UBE2W: variants seen among roughly 807,000 people sequenced by gnomAD.
The protein encoded by UBE2W is ubiquitin-conjugating enzyme E2 W.
UBE2W carries 18 observed loss-of-function variants against 27.2 expected under a neutral mutation model. That is an observed-to-expected ratio of 0.66 (90% confidence interval 0.46 to 0.98). The LOEUF (loss-of-function observed/expected upper bound fraction) is 0.98. UBE2W is among the 50% of genes least tolerant of loss of function. The probability of loss-of-function intolerance (pLI) is 0.00; values close to 1 mark genes in which losing one functional copy is unlikely to be tolerated. For missense variants in UBE2W, 90 were observed against 180.2 expected (o/e 0.50, Z 2.87); for synonymous variants, 53 against 57.2 (o/e 0.93, Z 0.33).
chr8:73,862,428 T>G (rs1274426616), intron 1 of UBE2W, among the ~76,000 whole-genome samples: 1 of 152,192 alleles, frequency 6.6e-6, no homozygotes, highest in Non-Finnish European at 1.5e-5. Context: ...TTTCCCCATT[T>G]CTTGTTTTTC....
At chr8:73,869,322 C>T (rs1020179546) in intron 1 of UBE2W, among the ~76,000 whole-genome samples, 5 of 152,172 alleles carry the variant, frequency 3.3e-5, no homozygotes, top group African/African-American at 1.2e-4. Flanking sequence ...CTTTGTGAGG[C>T]CGAGGCGGGC....
intron 3 of UBE2W, among the ~76,000 whole-genome samples, chr8:73,813,807 C>T (rs1186884576): frequency 6.6e-6 from 1 of 151,586 alleles, no homozygotes; most frequent in Admixed American, 6.6e-5. Flanking sequence ...GGCTGGAGTG[C>T]AATGGTACGA....
intron 2 of UBE2W, among the ~76,000 whole-genome samples, chr8:73,827,220 C>A (rs1043348896): frequency 6.7e-6 from 1 of 149,058 alleles, no homozygotes; most frequent in African/African-American, 2.5e-5. Context: ...GTGGTACTTT[C>A]TTTTTTTTTT....
chr8:73,810,150 T>C (rs1244783340), intron 4 of UBE2W, among the ~76,000 whole-genome samples: 1 of 152,152 alleles, frequency 6.6e-6, no homozygotes, highest in Non-Finnish European at 1.5e-5. Flanking sequence ...CACTGTGAAA[T>C]CTACAAAAAG....
intron 1 of UBE2W, among the ~76,000 whole-genome samples, chr8:73,834,940 A>T (rs1294714275): frequency 6.6e-6 from 1 of 152,066 alleles, no homozygotes; most frequent in Non-Finnish European, 1.5e-5. Context: ...AACTCCCAAC[A>T]ACAACAAAAA....
chr8:73,809,380 AC>A (rs1380618170), intron 4 of UBE2W, among the ~76,000 whole-genome samples: 1 of 152,090 alleles, frequency 6.6e-6, no homozygotes, highest in Non-Finnish European at 1.5e-5. Context: ...TAACTCCCTA[AC>A]CTCTAGGGCA....
intron 1 of UBE2W, among the ~76,000 whole-genome samples, chr8:73,836,555 C>T (rs963680498): frequency 3.3e-5 from 5 of 152,004 alleles, no homozygotes; most frequent in African/African-American, 1.2e-4. Context: ...TCTAAGTTTC[C>T]CAAATGTAGA....
chr8:73,801,847 A>G (rs1434750704), intron 5 of UBE2W, among the ~76,000 whole-genome samples: 3 of 152,228 alleles, frequency 2.0e-5, no homozygotes, highest in African/African-American at 7.2e-5. Flanking sequence ...GACTAGCTAC[A>G]TCAGAATTAT....
At chr8:73,872,184 T>C (rs1335973841) in intron 1 of UBE2W, among the ~76,000 whole-genome samples, 5 of 152,222 alleles carry the variant, frequency 3.3e-5, no homozygotes, top group Non-Finnish European at 7.3e-5. Context: ...TGCTTTAGAT[T>C]TCCTGCTTCA....
Position 73,825,216 on chromosome 8 carries a change from G to A in UBE2W, c.141C>T (p.Thr47=). Residue 47 remains threonine, a synonymous_variant, in exon 3 of 6, where the codon ACC becomes ACT. Coordinates refer to ENST00000602593, the MANE Select transcript of UBE2W (RefSeq NM_018299.6). ...GTTGAAATTTTTCCCCTTCATATAA[G>A]GTACCTGGTGCACCTTCCATGTCTA... is the stretch of plus-strand genomic sequence containing the variant. ...WIVDMEGAPG[T]LYEGEKFQLL... is the part of the protein sequence containing the mutation. 1.3e-6 allele frequency: 2 copies of A among 1,562,976 alleles called. No homozygotes were observed. Among genetic ancestry groups the A allele is most frequent in the Non-Finnish European group, 1.7e-6 (2 of 1,152,238 alleles).
intron 3 of UBE2W, among the ~76,000 whole-genome samples, chr8:73,822,116 C>A (rs1809639143): frequency 6.6e-6 from 1 of 152,198 alleles, no homozygotes; most frequent in Admixed American, 6.5e-5. Context: ...CTGGACCGGC[C>A]TGCTAGCCCA....
At position 73,819,517 on chromosome 8, in the gene UBE2W, A is replaced by T. The variant is rs370216114; in HGVS notation, c.210+5630T>A. Among the ~76,000 whole-genome samples, 26 of 152,342 alleles carry T rather than the reference A, an allele frequency of 1.7e-4. No homozygotes were observed. The South Asian group carries it at 5.4e-3, about 32-fold the overall frequency. On this transcript the variant is annotated intron_variant, in intron 3 of 5. Transcript: ENST00000602593. ...TCTCAAGAAACAGTATTTGATACAT[A>T]ATTCATGCCCAATACATGTTGAATT... is the stretch of plus-strand genomic sequence containing the variant.
chr8:73,852,818 T>C (rs566402389), intron 1 of UBE2W, among the ~76,000 whole-genome samples: 1 of 152,256 alleles, frequency 6.6e-6, no homozygotes, highest in Admixed American at 6.5e-5. Flanking sequence ...GACCAACAAA[T>C]TGAACTACAA....
At chr8:73,833,625 C>T (rs1810184363) in intron 1 of UBE2W, 1 of 151,904 alleles carries the variant, frequency 6.6e-6, no homozygotes, top group Non-Finnish European at 1.5e-5. Flanking sequence ...CATCAGTGGA[C>T]ATACTTTTTC....
intron 5 of UBE2W, among the ~76,000 whole-genome samples, chr8:73,799,073 T>G (rs1053422221): frequency 6.6e-6 from 1 of 152,098 alleles, no homozygotes; most frequent in Admixed American, 6.6e-5. Context: ...GAATAGAAAC[T>G]ATAAAGGAAT....
chr8:73,849,512 CAAAA>C (rs71269951), intron 1 of UBE2W, among the ~76,000 whole-genome samples: 1 of 22,772 alleles, frequency 4.4e-5, no homozygotes, highest in African/African-American at 1.5e-4. Context: ...AACTCCATCT[CAAAA>C]AAAAAAAAAA....
chr8:73,871,419 A>G (rs1812006522), intron 1 of UBE2W, among the ~76,000 whole-genome samples: 1 of 152,226 alleles, frequency 6.6e-6, no homozygotes, highest in Non-Finnish European at 1.5e-5. Context: ...TCTACCCACT[A>G]CACTCCATAA....
chr8:73,805,472 C>CAAAAAAAAAAAAAAACAAAAAAAAA, intron 5 of UBE2W, among the ~76,000 whole-genome samples, 179 bp downstream of exon 5: 1 of 43,676 alleles, frequency 2.3e-5, no homozygotes. Context: ...AAAAAAAAAA[C>CAAAAAAAAAAAAAAACAAAAAAAAA]AAAAAAAACT....
intron 1 of UBE2W, among the ~76,000 whole-genome samples, chr8:73,832,136 A>AATATATATATATACATATAT (rs1810093307): frequency 6.9e-6 from 1 of 145,348 alleles, no homozygotes; most frequent in African/African-American, 2.6e-5. Context: ...AAAATAAATA[A>AATATATATATATACATATAT]ATATATATAT....
Sources: allele counts gnomAD v4.1 joint callset (sites outside exome capture counted in the v4.1 genomes callset), GRCh38; gene constraint gnomAD v4.1.1; transcripts MANE v1.5; gene names NCBI Gene and HGNC (gene_info 2026-07-23, HGNC 2026-07-21).